The following PRKAR1A variants were observed in gnomAD, a reference collection of about 807,000 sequenced individuals.
The protein encoded by PRKAR1A is protein kinase cAMP-dependent type I regulatory subunit alpha, also known as cAMP-dependent protein kinase type I-alpha regulatory subunit.
Under a neutral mutation model 52.0 loss-of-function variants are expected in PRKAR1A, and 3 were observed. That is an observed-to-expected ratio of 0.06 (90% confidence interval 0.03 to 0.15). The LOEUF is 0.15. Ranked by LOEUF, PRKAR1A falls within the 10% of genes least tolerant of loss-of-function variation. The pLI is 1.00. For synonymous variants in PRKAR1A, 188 were observed against 168.4 expected, an observed-to-expected ratio of 1.12 and a Z score of -0.90; for missense variants, 240 against 477.4, an observed-to-expected ratio of 0.50 and a Z score of 4.63.
At chr17:68,415,447 C>T in the PRKAR1A span, among the ~76,000 whole-genome samples, 2 of 152,086 alleles carry the variant, frequency 1.3e-5, no homozygotes, top group Non-Finnish European at 2.9e-5. Flanking sequence ...ATTGTATGGT[C>T]TGTCTTGGAG....
At chr17:68,545,896 G>A (rs2086531799) in intron 11 of PRKAR1A, among the ~76,000 whole-genome samples, 1 of 152,196 alleles carries the variant, frequency 6.6e-6, no homozygotes, top group South Asian at 2.1e-4. Flanking sequence ...TTGGTCGGGT[G>A]CGGTGGCTCA....
At chr17:68,459,086 C>G in the PRKAR1A span, among the ~76,000 whole-genome samples, 1 of 152,042 alleles carries the variant, frequency 6.6e-6, no homozygotes, top group South Asian at 2.1e-4. Context: ...ATTTTTTTCT[C>G]TCCACTGATG....
At chr17:68,518,379 A>G (rs2085497515) in intron 2 of PRKAR1A, among the ~76,000 whole-genome samples, 1 of 152,262 alleles carries the variant, frequency 6.6e-6, no homozygotes, top group Non-Finnish European at 1.5e-5. Context: ...CTGGGCATCC[A>G]GGCATTTCTG....
At chr17:68,521,157 G>A (rs1001372350) in intron 2 of PRKAR1A, among the ~76,000 whole-genome samples, 2 of 152,142 alleles carry the variant, frequency 1.3e-5, no homozygotes, top group African/African-American at 4.8e-5. Context: ...GGCCAGTCTG[G>A]TCTTGAACTC....
intron 11 of PRKAR1A, among the ~76,000 whole-genome samples, chr17:68,546,639 G>A (rs189332168): frequency 7.2e-5 from 11 of 152,128 alleles, no homozygotes; most frequent in African/African-American, 2.2e-4. Flanking sequence ...GACCATCCTG[G>A]CTAACACGGT....
downstream of PRKAR1A, chr17:68,533,504 GTTTC>G (rs1459652288): frequency 7.0e-6 from 6 of 861,694 alleles, no homozygotes; most frequent in Admixed American, 3.5e-4. Flanking sequence ...TCTTTTTTTT[GTTTC>G]TTTTATTTTT....
At chr17:68,525,975 A>G (rs550445648) in intron 7 of PRKAR1A, 63 bp downstream of exon 7, 2 of 1,549,304 alleles carry the variant, frequency 1.3e-6, no homozygotes, top group East Asian at 4.6e-5. Flanking sequence ...TAATGTTTGA[A>G]TATTACCAAA....
intron 11 of PRKAR1A, among the ~76,000 whole-genome samples, chr17:68,546,187 A>AG (rs886755561): frequency 3.1e-5 from 3 of 95,796 alleles, no homozygotes; most frequent in Non-Finnish European, 4.8e-5. Flanking sequence ...AAAAAAAAAA[A>AG]AAAAAAAAGC....
the PRKAR1A span, among the ~76,000 whole-genome samples, chr17:68,414,572 G>A: frequency 6.6e-6 from 1 of 152,130 alleles, no homozygotes; most frequent in East Asian, 1.9e-4. Flanking sequence ...TTCCCTCTTT[G>A]TCATGTGGAA....
chr17:68,524,878 G>A (rs1276722657), intron 5 of PRKAR1A, 34 bp from the exon 6 acceptor site: 5 of 1,512,084 alleles, frequency 3.3e-6, no homozygotes, highest in Admixed American at 1.7e-5. Context: ...TCTTTAATTT[G>A]GAATATGCTT....
At chr17:68,526,023 C>T in intron 7 of PRKAR1A, 111 bp downstream of exon 7, 2 of 1,352,524 alleles carry the variant, frequency 1.5e-6, no homozygotes, top group Admixed American at 2.2e-5. Context: ...GCAAATATTT[C>T]TTTCTTTTAA....
the PRKAR1A span, among the ~76,000 whole-genome samples, chr17:68,500,857 T>C: frequency 6.6e-6 from 1 of 152,140 alleles, no homozygotes; most frequent in Non-Finnish European, 1.5e-5. Context: ...TGGACAAATA[T>C]ACACACCGTG....
the PRKAR1A span, among the ~76,000 whole-genome samples, chr17:68,486,566 TTTCTTCTTTCC>T: frequency 3.5e-5 from 5 of 144,758 alleles, no homozygotes; most frequent in Non-Finnish European, 6.0e-5. Flanking sequence ...TCTTTCTTTC[TTTCTTCTTTCC>T]TTCCTTCCTT....
the PRKAR1A span, among the ~76,000 whole-genome samples, chr17:68,459,215 G>A: frequency 2.6e-5 from 4 of 152,146 alleles, no homozygotes; most frequent in Non-Finnish European, 5.9e-5. Flanking sequence ...TGCCATTTTT[G>A]TAACCTTTCA....
chr17:68,438,008 T>A, the PRKAR1A span, among the ~76,000 whole-genome samples: 1 of 145,938 alleles, frequency 6.9e-6, no homozygotes, highest in African/African-American at 2.5e-5. Context: ...GTATATTAAG[T>A]GGGTTTCTTC....
chr17:68,527,988 A>G (rs924250709), intron 8 of PRKAR1A, 88 bp downstream of exon 8: 16 of 1,161,024 alleles, frequency 1.4e-5, no homozygotes, highest in African/African-American at 3.0e-5. Flanking sequence ...TTCTGAAAGT[A>G]TAATTGCTAC....
At chr17:68,501,877 T>C in the PRKAR1A span, among the ~76,000 whole-genome samples, 1 of 152,346 alleles carries the variant, frequency 6.6e-6, no homozygotes, top group East Asian at 1.9e-4. Flanking sequence ...CTTCCTGTGT[T>C]CTCTGATTCA....
At chr17:68,534,408 C>A (rs935844650), downstream of PRKAR1A, among the ~76,000 whole-genome samples, 3 of 152,070 alleles carry the variant, frequency 2.0e-5, no homozygotes, top group Non-Finnish European at 4.4e-5. Flanking sequence ...TTTGTAACCC[C>A]AAAATCAATA....
the PRKAR1A span, chr17:68,450,808 C>T: frequency 4.6e-5 from 74 of 1,614,158 alleles, no homozygotes; most frequent in Non-Finnish European, 5.6e-5. Context: ...AAGTGATACA[C>T]GTTCATCTGC....
Sources: allele counts gnomAD v4.1 joint callset (sites outside exome capture counted in the v4.1 genomes callset), GRCh38; gene constraint gnomAD v4.1.1; transcripts MANE v1.5; gene names NCBI Gene and HGNC (gene_info 2026-07-23, HGNC 2026-07-21).